CSNK2A2IP: variants seen among roughly 807,000 people sequenced by gnomAD.
The protein encoded by CSNK2A2IP is casein kinase II subunit alpha'-interacting protein.
chr3:88,396,894 A>G, the CSNK2A2IP span, among the ~76,000 whole-genome samples: 2 of 152,142 alleles, frequency 1.3e-5, no homozygotes, highest in Admixed American at 1.3e-4. Flanking sequence ...GTGAATTGGA[A>G]ATGGAAAGAA....
the CSNK2A2IP span, among the ~76,000 whole-genome samples, chr3:88,445,275 C>CAAAAAAAAAAAAAAAAAAAA: frequency 7.7e-4 from 37 of 47,772 alleles, 10 homozygotes; most frequent in Admixed American, 2.7e-3. Context: ...GTAAAAATAC[C>CAAAAAAAAAAAAAAAAAAAA]AAAAAAAAAA....
the CSNK2A2IP span, among the ~76,000 whole-genome samples, chr3:88,401,280 C>T: frequency 6.6e-6 from 1 of 151,942 alleles, no homozygotes; most frequent in East Asian, 1.9e-4. Flanking sequence ...CTTATGTCTT[C>T]TTTATAATTT....
the CSNK2A2IP span, among the ~76,000 whole-genome samples, chr3:88,414,386 G>C: frequency 2.2e-5 from 3 of 138,968 alleles, no homozygotes; most frequent in Non-Finnish European, 4.5e-5. Context: ...GGGTTCAAGC[G>C]ATACTCCTGC....
chr3:88,384,057 A>T, the CSNK2A2IP span, among the ~76,000 whole-genome samples: 1 of 152,156 alleles, frequency 6.6e-6, no homozygotes, highest in Admixed American at 6.5e-5. Flanking sequence ...ATAGTAGTGC[A>T]TTCATTAATA....
the CSNK2A2IP span, among the ~76,000 whole-genome samples, chr3:88,379,878 T>C: frequency 6.6e-6 from 1 of 152,146 alleles, no homozygotes; most frequent in Non-Finnish European, 1.5e-5. Flanking sequence ...TTTTTTAACA[T>C]GCTAAGGCTA....
the CSNK2A2IP span, among the ~76,000 whole-genome samples, chr3:88,388,861 C>T: frequency 6.6e-6 from 1 of 152,092 alleles, no homozygotes; most frequent in African/African-American, 2.4e-5. Context: ...TAGATTATTT[C>T]CACCTTCTGC....
the CSNK2A2IP span, among the ~76,000 whole-genome samples, chr3:88,420,775 G>T: frequency 6.6e-6 from 1 of 151,982 alleles, no homozygotes; most frequent in Admixed American, 6.6e-5. Flanking sequence ...CGACAGCTAG[G>T]AAAAAAGGAT....
the CSNK2A2IP span, among the ~76,000 whole-genome samples, chr3:88,409,595 ATAGTT>A: frequency 1.3e-5 from 2 of 152,020 alleles, no homozygotes; most frequent in East Asian, 1.9e-4. Context: ...ATAGAAAAAA[ATAGTT>A]TATTTAACAG....
the CSNK2A2IP span, among the ~76,000 whole-genome samples, chr3:88,432,149 G>A: frequency 6.6e-6 from 1 of 151,638 alleles, no homozygotes; most frequent in East Asian, 1.9e-4. Context: ...TAGAAAAATT[G>A]AACTATGCTC....
the CSNK2A2IP span, among the ~76,000 whole-genome samples, chr3:88,427,597 G>C: frequency 1.3e-5 from 2 of 152,154 alleles, no homozygotes; most frequent in Non-Finnish European, 2.9e-5. Context: ...CTTGGGACTT[G>C]GTCCTCTGTG....
chr3:88,388,970 A>G, the CSNK2A2IP span, among the ~76,000 whole-genome samples: 1 of 48,696 alleles, frequency 2.1e-5, no homozygotes, highest in Non-Finnish European at 5.4e-5. Context: ...GAAAATGAGG[A>G]TATAACAATG....
At chr3:88,373,132 C>T in the CSNK2A2IP span, among the ~76,000 whole-genome samples, 2 of 151,328 alleles carry the variant, frequency 1.3e-5, no homozygotes, top group Non-Finnish European at 3.0e-5. Flanking sequence ...GATGATTTGA[C>T]CTAATTGTTA....
the CSNK2A2IP span, among the ~76,000 whole-genome samples, chr3:88,417,989 G>A: frequency 5.9e-5 from 9 of 152,154 alleles, no homozygotes; most frequent in Non-Finnish European, 8.8e-5. Flanking sequence ...ATTTTAAAAT[G>A]TATATTAATC....
the CSNK2A2IP span, among the ~76,000 whole-genome samples, chr3:88,364,176 G>A: frequency 2.2e-4 from 34 of 151,996 alleles, no homozygotes; most frequent in Non-Finnish European, 4.6e-4. Context: ...ATAAAATCAA[G>A]TGTAAATTTC....
chr3:88,409,159 G>A, the CSNK2A2IP span, among the ~76,000 whole-genome samples: 1 of 152,070 alleles, frequency 6.6e-6, no homozygotes, highest in Admixed American at 6.6e-5. Context: ...AGTGGTTTGT[G>A]TAGGCAATTT....
At chr3:88,359,779 C>A in the CSNK2A2IP span, among the ~76,000 whole-genome samples, 58,215 of 151,928 alleles carry the variant, frequency 0.38, 14,149 homozygotes, top group South Asian at 0.6. Flanking sequence ...TTTTTGTGGC[C>A]TATCTTAAGG....
chr3:88,441,548 T>C, the CSNK2A2IP span, among the ~76,000 whole-genome samples: 2 of 152,198 alleles, frequency 1.3e-5, no homozygotes, highest in South Asian at 2.1e-4. Context: ...TGTTTTCTTA[T>C]CAGAGTCTTC....
At chr3:88,367,557 A>T in the CSNK2A2IP span, among the ~76,000 whole-genome samples, 1 of 152,134 alleles carries the variant, frequency 6.6e-6, no homozygotes, top group Non-Finnish European at 1.5e-5. Context: ...CACATTGTAC[A>T]TATACACTTC....
the CSNK2A2IP span, chr3:88,466,924 C>G: frequency 2.4e-6 from 3 of 1,231,274 alleles, no homozygotes; most frequent in Admixed American, 1.3e-4. Flanking sequence ...AGTTCTTATC[C>G]TTTCTCTACC....
Sources: gnomAD v4.1 joint callset for allele counts (sites outside exome capture counted in the v4.1 genomes callset) on GRCh38, gnomAD v4.1.1 for gene constraint, MANE v1.5 for transcripts, NCBI Gene and HGNC (gene_info 2026-07-23, HGNC 2026-07-21) for gene names.